CELSR1: variants seen among roughly 807,000 people sequenced by gnomAD.
The protein encoded by CELSR1 is adhesion G protein-coupled receptor C1.
In CELSR1, 110 loss-of-function variants were observed where a neutral mutation model predicts 249.1. The observed-to-expected ratio is 0.44, with a 90% confidence interval of 0.38 to 0.52. CELSR1 has a LOEUF of 0.52. Among genes scored for constraint, CELSR1 ranks in the 20% least tolerant of loss-of-function variants. The probability of loss-of-function intolerance (pLI) is 0.00; values close to 1 mark genes in which losing one functional copy is unlikely to be tolerated. For missense variants in CELSR1, 4,109 were observed against 4,296.4 expected (o/e 0.96, Z 1.22); for synonymous variants, 2,113 against 1,900.0 (o/e 1.11, Z -2.92).
chr22:46,472,114 G>T lies in CELSR1; in HGVS notation c.3545-7769C>A, dbSNP rs1038209515. On this transcript the variant is annotated intron_variant, in intron 1 of 34. Transcript: ENST00000674500. This position sits in a 1 kb window ranked among gnomAD's most constrained non-coding sequence, Gnocchi z 7.0. ...TCAAGTGCCATCCCCTGCTTTCCCG[G>T]GAAGGGTGAGTCACCTCATTGTGGC... 6.6e-6 allele frequency among the ~76,000 whole-genome samples: 1 copy of T among 152,158 alleles called. No individual in the cohort carries two copies. Among genetic ancestry groups the T allele is most frequent in the Non-Finnish European group, 1.5e-5 (1 of 68,034 alleles).
intron 1 of CELSR1, among the ~76,000 whole-genome samples, chr22:46,489,434 A>G (rs2080346653): frequency 1.3e-5 from 2 of 151,550 alleles, no homozygotes. Context: ...GAAGGCCCCA[A>G]GCTTGGGGGC....
chr22:46,528,933 T>G (rs1602245317), intron 1 of CELSR1, among the ~76,000 whole-genome samples: 1 of 17,022 alleles, frequency 5.9e-5, no homozygotes, highest in African/African-American at 1.5e-3. Context: ...TGTCTCAAAA[T>G]AAAATAAAAT....
At chr22:46,504,533 G>T (rs1181742223) in intron 1 of CELSR1, among the ~76,000 whole-genome samples, 1 of 147,788 alleles carries the variant, frequency 6.8e-6, no homozygotes. Flanking sequence ...AAAAAAAACA[G>T]GAATGGCTGC....
intron 24 of CELSR1, among the ~76,000 whole-genome samples, chr22:46,376,803 C>CAAA (rs71705266): frequency 2.6e-4 from 32 of 122,364 alleles, no homozygotes; most frequent in African/African-American, 3.7e-4. Context: ...GCGAGACTCT[C>CAAA]AAAAAAAAAA....
At position 46,474,400 on chromosome 22, in the gene CELSR1, C is replaced by T. The variant is rs189997902; in HGVS notation, c.3545-10055G>A. ...TGCTGCAGGTGGGTCCTCACACATC[C>T]TCCCGTTGGTCCCACCTAGTCTTAG... is the stretch of plus-strand genomic sequence containing the variant. On this transcript the variant is annotated intron_variant, in intron 1 of 34. Transcript: ENST00000674500. 1.0e-3 allele frequency among the ~76,000 whole-genome samples: 153 copies of T among 152,274 alleles called. 1 individual carries two copies. Among genetic ancestry groups the T allele is most frequent in the African/African-American group, 3.5e-3 (144 of 41,550 alleles).
At chr22:46,371,497 A>C (rs1188814193) in intron 25 of CELSR1, among the ~76,000 whole-genome samples, 1 of 152,138 alleles carries the variant, frequency 6.6e-6, no homozygotes, top group Non-Finnish European at 1.5e-5. Flanking sequence ...ATGTGTGCTG[A>C]GGAAGTACTG....
chr22:46,382,186 A>G (rs1018450548), intron 20 of CELSR1, 136 bp from the exon 21 acceptor site: 3 of 796,670 alleles, frequency 3.8e-6, no homozygotes, highest in Admixed American at 2.9e-5. Flanking sequence ...CCAAAAAATC[A>G]AAAACAGGAC....
chr22:46,535,364 G>A lies in CELSR1; in HGVS notation c.1807C>T (p.Arg603Cys), dbSNP rs1602254068. 6.2e-7 allele frequency: 1 copy of A among 1,612,364 alleles called. No individual in the cohort carries two copies. Among genetic ancestry groups the A allele is most frequent in the Non-Finnish European group, 8.5e-7 (1 of 1,179,810 alleles). ...AAGGTGGAGGCCGTGTCCACCAGGC[G>A]ATAGTGCAGCCGGGCGTTCTCTCCA... The part of the protein sequence containing the change: ...DSGENARLHY[R>C]LVDTASTFLG... Residue 603 changes from arginine to cysteine, a missense_variant, in exon 1 of 35, where the codon CGC becomes TGC. Physicochemically the swap from Arg to Cys is radical, Grantham distance 180. Coordinates refer to ENST00000674500, the MANE Select transcript of CELSR1 (RefSeq NM_001378328.1).
At position 46,535,702 on chromosome 22, in the gene CELSR1, T is replaced by C. The variant is rs200630932; in HGVS notation, c.1469A>G (p.Gln490Arg). ...GATGCTGTAGTGAATGGCCGCGTTC[T>C]GGCCCTGGTCCCGGTCCGTGGCCTG... Reference protein sequence around the residue: ...RVQATDRDQGQNAAIHYSILS... With the variant: ...RVQATDRDQGRNAAIHYSILS... The change falls in exon 1 of 35, where the codon CAG becomes CGG. Residue 490 changes from glutamine to arginine, a missense_variant. This residue lies in a region of CELSR1 where 135 missense variants were observed against 190.0 expected (regional missense o/e 0.71). Transcript: ENST00000674500. The C allele has an allele frequency of 5.1e-5, 82 of 1,612,976 alleles. No homozygotes were observed. Among genetic ancestry groups the C allele is most frequent in the East Asian group, 2.9e-4 (13 of 44,884 alleles).
chr22:46,388,451 C>T (rs772428060), intron 18 of CELSR1, among the ~76,000 whole-genome samples: 3 of 152,174 alleles, frequency 2.0e-5, no homozygotes, highest in Admixed American at 6.5e-5. Context: ...GGCTGGGACT[C>T]AAATCCCAGC....
chr22:46,485,861 G>C (rs1180497791), intron 1 of CELSR1, among the ~76,000 whole-genome samples: 12 of 150,184 alleles, frequency 8.0e-5, no homozygotes, highest in Non-Finnish European at 1.5e-5. Flanking sequence ...TGTGTCGTTT[G>C]TCTATGACAG....
In CELSR1 at chr22:46,526,614, T is replaced by C. The variant is rs1311887918; in HGVS notation, c.3544+7013A>G. On this transcript the variant is annotated intron_variant, in intron 1 of 34. Coordinates refer to ENST00000674500, the MANE Select transcript of CELSR1 (RefSeq NM_001378328.1). This position sits in a 1 kb window ranked among gnomAD's most constrained non-coding sequence, Gnocchi z 4.7. Reference sequence around the variant, plus strand: ...ACCGCCAGACGGCATCCATCACGGATGACCCCCTCGGAGACACTCGCCCTC... The same window carrying C: ...ACCGCCAGACGGCATCCATCACGGACGACCCCCTCGGAGACACTCGCCCTC... Among the ~76,000 whole-genome samples the C allele has an allele frequency of 6.6e-6, 1 of 152,212 alleles. No homozygotes were observed. Among genetic ancestry groups the C allele is most frequent in the African/African-American group, 2.4e-5 (1 of 41,462 alleles).
intron 5 of CELSR1, among the ~76,000 whole-genome samples, chr22:46,432,706 C>T (rs1442676112): frequency 6.6e-6 from 1 of 152,238 alleles, no homozygotes; most frequent in Non-Finnish European, 1.5e-5. Context: ...CCAGTTACAT[C>T]CAGGTACAGT....
At chr22:46,416,022 G>A (rs1418260604) in intron 5 of CELSR1, among the ~76,000 whole-genome samples, 1 of 151,160 alleles carries the variant, frequency 6.6e-6, no homozygotes, top group Non-Finnish European at 1.5e-5. Flanking sequence ...GGGGTGGCGT[G>A]TCCGCCTCTG....
intron 22 of CELSR1, among the ~76,000 whole-genome samples, chr22:46,379,970 G>A (rs974938273): frequency 1.3e-5 from 2 of 152,168 alleles, no homozygotes; most frequent in African/African-American, 4.8e-5. Context: ...CAGCAAAAGT[G>A]AAAACCAACC....
rs1217450370 is a variant in CELSR1 at position 46,377,163 on chromosome 22, G to A, written c.7482C>T (p.Arg2494=). The A allele has an allele frequency of 1.2e-6, 2 of 1,613,888 alleles. No individual in the cohort carries two copies. Among genetic ancestry groups the A allele is most frequent in the Non-Finnish European group, 1.7e-6 (2 of 1,180,014 alleles). ...LVAFVLLSLV[R]MLRSNLHSIH... The stretch of plus-strand genomic sequence containing the variant: ...TGCTGTGCAGGTTGGAGCGCAGCAT[G>A]CGGACCAGGCTCAGGAGGACGAAGG... Residue 2494 remains arginine, a synonymous_variant, in exon 24 of 35, where the codon CGC becomes CGT. Transcript: ENST00000674500.
In CELSR1 at chr22:46,406,911, C is replaced by T. The variant is rs1054554822; in HGVS notation, c.5226+2085G>A. Among the ~76,000 whole-genome samples, 1 of 152,188 alleles carries T rather than the reference C, an allele frequency of 6.6e-6. No individual in the cohort carries two copies. Among genetic ancestry groups the T allele is most frequent in the South Asian group, 2.1e-4 (1 of 4,834 alleles). On this transcript the variant is annotated intron_variant, in intron 9 of 34. Coordinates refer to ENST00000674500, the MANE Select transcript of CELSR1 (RefSeq NM_001378328.1). The surrounding 1 kb of genome is among the most constrained non-coding windows in gnomAD (Gnocchi z 5.4). ...AGCCCAGAGCCCAACGGAGCAAAGGCAATAAGGCATGGCTCCGCCACGGCA... is the reference window on the plus strand; with the variant it reads ...AGCCCAGAGCCCAACGGAGCAAAGGTAATAAGGCATGGCTCCGCCACGGCA...
rs1409509726 is a variant in CELSR1, at chr22:46,393,282, G to A, written c.5964+860C>T. Among the ~76,000 whole-genome samples the A allele has an allele frequency of 6.6e-6, 1 of 152,246 alleles. No individual in the cohort carries two copies. The highest frequency in any genetic ancestry group is 1.5e-5 in the Non-Finnish European group (1 of 68,046). On this transcript the variant is annotated intron_variant, in intron 14 of 34. Coordinates refer to ENST00000674500, the MANE Select transcript of CELSR1 (RefSeq NM_001378328.1). This position sits in a 1 kb window ranked among gnomAD's most constrained non-coding sequence, Gnocchi z 4.1. Reference sequence around the variant, plus strand: ...AGAGGGCTGGGGAGGGGTCCCTAGAGTCTGCACTGAGAACGCGTGTGCATT... The same window carrying A: ...AGAGGGCTGGGGAGGGGTCCCTAGAATCTGCACTGAGAACGCGTGTGCATT...
In CELSR1 at chr22:46,413,733, G is replaced by A. The variant is rs1339721247; in HGVS notation, c.4612-1974C>T. Among the ~76,000 whole-genome samples, 2 of 152,176 alleles carry A rather than the reference G, an allele frequency of 1.3e-5. No individual in the cohort carries two copies. The highest frequency in any genetic ancestry group is 1.5e-5 in the Non-Finnish European group (1 of 68,046). The stretch of plus-strand genomic sequence containing the variant: ...ACTTTTGGTTAAGCAACAGGTAGGC[G>A]AGTGCATTAAAAATCATCTGTTTTC... On this transcript the variant is annotated intron_variant, in intron 5 of 34. Coordinates refer to ENST00000674500, the MANE Select transcript of CELSR1 (RefSeq NM_001378328.1). The surrounding 1 kb of genome is among the most constrained non-coding windows in gnomAD (Gnocchi z 4.7).
Sources: gnomAD v4.1 joint callset for allele counts (sites outside exome capture counted in the v4.1 genomes callset) on GRCh38, gnomAD v4.1.1 for gene constraint, gnomAD v4.1.1 regional missense constraint, Gnocchi (gnomAD v3.1) non-coding constraint, MANE v1.5 for transcripts, NCBI Gene and HGNC (gene_info 2026-07-23, HGNC 2026-07-21) for gene names.